FHOD3: variants seen among roughly 807,000 people sequenced by gnomAD.
FHOD3 encodes FH1/FH2 domain-containing protein 3.
A neutral mutation model predicts 173.0 loss-of-function variants in FHOD3; 90 were observed. The observed-to-expected ratio is 0.52, with a 90% CI of 0.44 to 0.62. The LOEUF is 0.62. Ranked by LOEUF, FHOD3 falls within the 20% of genes least tolerant of loss-of-function variation. FHOD3 has a pLI of 0.00. For missense variants in FHOD3, 1,945 were observed against 2,034.7 expected (o/e 0.96, Z 0.85); for synonymous variants, 828 against 823.0 (o/e 1.01, Z -0.10).
At chr18:36,673,128 T>C (rs2149333702) in intron 14 of FHOD3, among the ~76,000 whole-genome samples, 1 of 152,306 alleles carries the variant, frequency 6.6e-6, no homozygotes, top group Non-Finnish European at 1.5e-5. Context: ...TCTGTCTGTG[T>C]TGTCTTTGCT....
rs572267198 is a variant in FHOD3, at chr18:36,380,068, GA to G, written c.337+7332del. 1.9e-3 allele frequency among the ~76,000 whole-genome samples: 295 copies of G among 151,592 alleles called. 1 individual carries two copies. Among genetic ancestry groups the G allele is most frequent in the Admixed American group, 3.0e-3 (45 of 15,236 alleles). ...ACCTAATGGGAAGCATTTTAACTCA[GA>G]AAAAAAACATATAGAAAGCATTCAT... On this transcript the variant is annotated intron_variant, in intron 3 of 28. Coordinates refer to ENST00000590592, the MANE Select transcript of FHOD3 (RefSeq NM_001281740.3).
rs1482541478 is a variant in FHOD3 at position 36,297,766 on chromosome 18, A to G, written c.-70A>G. On this transcript the variant is annotated 5_prime_UTR_variant, in exon 1 of 29. Transcript: ENST00000590592. ...TGCGGCTGCGGCCTCCCCTGCGCGC[A>G]GCTACCCGGGCGTCCCGGCCCGCGG... The G allele has an allele frequency of 1.5e-6, 2 of 1,349,092 alleles. No homozygotes were observed. The highest frequency in any genetic ancestry group is 3.3e-5 in the East Asian group (1 of 30,694). 83.6% of individuals were successfully genotyped at this position (1,349,092 alleles called of 1,614,324 possible). A position where few individuals can be genotyped will look rare whatever the true frequency, so the allele number is the denominator to read the frequency against.
chr18:36,732,723 G>C (rs141512993), intron 20 of FHOD3, among the ~76,000 whole-genome samples: 1 of 152,256 alleles, frequency 6.6e-6, no homozygotes, highest in East Asian at 1.9e-4. Context: ...TTGCCAGATC[G>C]CAGGAAGGGG....
At chr18:36,645,357 C>T (rs2035608203) in intron 10 of FHOD3, among the ~76,000 whole-genome samples, 1 of 152,140 alleles carries the variant, frequency 6.6e-6, no homozygotes. Flanking sequence ...GAATCAGAGG[C>T]TGCAGTGAAC....
At chr18:36,779,186 G>A (rs961896507) in intron 28 of FHOD3, 5 of 519,296 alleles carry the variant, frequency 9.6e-6, no homozygotes, top group Non-Finnish European at 1.4e-5. Context: ...CTCTTTATAA[G>A]TGCCCGCATC....
At chr18:36,392,449 T>C (rs931298745) in intron 3 of FHOD3, among the ~76,000 whole-genome samples, 5 of 152,318 alleles carry the variant, frequency 3.3e-5, no homozygotes, top group East Asian at 1.9e-4. Context: ...TGATAACTTA[T>C]AGTGGCCAAA....
chr18:36,516,744 T>G (rs1722292268), intron 5 of FHOD3, among the ~76,000 whole-genome samples: 1 of 152,204 alleles, frequency 6.6e-6, no homozygotes, highest in South Asian at 2.1e-4. Context: ...ACCCTGTTTT[T>G]AAAAAAGCTG....
intron 5 of FHOD3, among the ~76,000 whole-genome samples, chr18:36,533,788 A>G (rs1262051660): frequency 1.3e-5 from 2 of 152,188 alleles, no homozygotes; most frequent in African/African-American, 4.8e-5. Context: ...TCCCCGAGGT[A>G]TGTTTGTAAT....
intron 1 of FHOD3, among the ~76,000 whole-genome samples, chr18:36,329,547 G>A (rs1027331841): frequency 6.6e-6 from 1 of 152,194 alleles, no homozygotes; most frequent in Admixed American, 6.5e-5. Flanking sequence ...TTGGGGTATA[G>A]TCACAGGCCT....
chr18:36,682,349 C>A lies in FHOD3; in HGVS notation c.1970+779C>A, dbSNP rs534564687. Among the ~76,000 whole-genome samples, 4 of 152,192 alleles carry A rather than the reference C, an allele frequency of 2.6e-5. No homozygotes were observed. The South Asian group carries it at 8.3e-4, about 32-fold the overall frequency. ...TCCTTATATCCTTTTTCCCTTTTCCCCCTTTCTTCCCCACCTCCTCCTATA... is the reference window on the plus strand; with the variant it reads ...TCCTTATATCCTTTTTCCCTTTTCCACCTTTCTTCCCCACCTCCTCCTATA... On this transcript the variant is annotated intron_variant, in intron 15 of 28. Transcript: ENST00000590592.
At position 36,473,425 on chromosome 18, in the gene FHOD3, C is replaced by T. The variant is rs114151971; in HGVS notation, c.338-28507C>T. On this transcript the variant is annotated intron_variant, in intron 3 of 28. Transcript: ENST00000590592. ...TGAGACTCCATCTCAAACAAACAAA[C>T]GAAATGCAGCACCTGAGACCTGCTG... Among the ~76,000 whole-genome samples the T allele has an allele frequency of 6.0e-3, 920 of 152,216 alleles. 8 individuals are homozygous for T. Among genetic ancestry groups the T allele is most frequent in the African/African-American group, 0.021 (861 of 41,528 alleles).
At chr18:36,525,003 G>T (rs2056447940) in intron 5 of FHOD3, among the ~76,000 whole-genome samples, 2 of 152,180 alleles carry the variant, frequency 1.3e-5, no homozygotes, top group African/African-American at 4.8e-5. Flanking sequence ...AGTAGGGGAA[G>T]TGACATAAAT....
At chr18:36,761,916 C>T (rs763616256) in intron 27 of FHOD3, among the ~76,000 whole-genome samples, 1 of 152,000 alleles carries the variant, frequency 6.6e-6, no homozygotes, top group Non-Finnish European at 1.5e-5. Flanking sequence ...AAACAGCATG[C>T]CAGGTAAGCT....
At chr18:36,698,187 A>T (rs926207102) in intron 17 of FHOD3, among the ~76,000 whole-genome samples, 4 of 152,184 alleles carry the variant, frequency 2.6e-5, no homozygotes, top group African/African-American at 9.7e-5. Context: ...GCTACTTGAT[A>T]CCATTTTGTC....
At chr18:36,614,752 G>A (rs555258765) in intron 9 of FHOD3, among the ~76,000 whole-genome samples, 33 of 149,572 alleles carry the variant, frequency 2.2e-4, no homozygotes, top group African/African-American at 7.4e-4. Flanking sequence ...GACTAATGAT[G>A]TTTAGCCTCT....
chr18:36,377,610 G>C (rs2047508916), intron 3 of FHOD3, among the ~76,000 whole-genome samples: 1 of 152,218 alleles, frequency 6.6e-6, no homozygotes, highest in South Asian at 2.1e-4. Flanking sequence ...ATGGAGCACT[G>C]TGTGCTGAGA....
intron 5 of FHOD3, chr18:36,544,419 T>G (rs183181402): frequency 6.6e-6 from 1 of 152,440 alleles, no homozygotes; most frequent in East Asian, 1.9e-4. Context: ...GGTAAATGCT[T>G]TATTAGTTGG....
chr18:36,364,774 G>T (rs150013365), intron 2 of FHOD3, among the ~76,000 whole-genome samples: 2 of 152,202 alleles, frequency 1.3e-5, no homozygotes, highest in African/African-American at 4.8e-5. Context: ...ATCTGCCTCC[G>T]CAAGAAGAGA....
At chr18:36,312,550 A>G (rs1344447995) in intron 1 of FHOD3, among the ~76,000 whole-genome samples, 1 of 152,162 alleles carries the variant, frequency 6.6e-6, no homozygotes, top group Non-Finnish European at 1.5e-5. Flanking sequence ...GAGCATTGCC[A>G]GCCAGTTGCC....
Sources: allele counts gnomAD v4.1 joint callset (sites outside exome capture counted in the v4.1 genomes callset), GRCh38; gene constraint gnomAD v4.1.1; transcripts MANE v1.5; gene names NCBI Gene and HGNC (gene_info 2026-07-23, HGNC 2026-07-21).